The following ENPP1 variants were observed in gnomAD, a reference collection of about 807,000 sequenced individuals.
The protein encoded by ENPP1 is ectonucleotide pyrophosphatase/phosphodiesterase 1.
In ENPP1, 73 loss-of-function variants were observed where a neutral mutation model predicts 122.8. The ratio of observed to expected loss-of-function variants is 0.59; its 90% CI spans 0.49 to 0.72. ENPP1 has a LOEUF of 0.72. Among genes scored for constraint, ENPP1 ranks in the 30% least tolerant of loss-of-function variants. ENPP1 has a pLI of 0.00. For missense variants in ENPP1, 978 were observed against 1,128.1 expected, an observed-to-expected ratio of 0.87 and a Z score of 1.91; for synonymous variants, 367 against 391.6, an observed-to-expected ratio of 0.94 and a Z score of 0.74.
chr6:131,888,362 G>C (rs192494722), intron 24 of ENPP1, among the ~76,000 whole-genome samples: 82 of 151,854 alleles, frequency 5.4e-4, no homozygotes, highest in Non-Finnish European at 9.1e-4. Flanking sequence ...TTGAGACCCA[G>C]TATGAGCTCA....
At chr6:131,858,580 G>A (rs1432428812) in intron 6 of ENPP1, 88 bp from the exon 7 acceptor site, 2 of 835,088 alleles carry the variant, frequency 2.4e-6, no homozygotes, top group East Asian at 2.7e-5. Context: ...TTTTTTACGT[G>A]ATTTAGACTG....
chr6:131,841,969 A>C (rs1393260436), intron 1 of ENPP1, among the ~76,000 whole-genome samples: 1 of 152,062 alleles, frequency 6.6e-6, no homozygotes, highest in African/African-American at 2.4e-5. Context: ...AACACACTCC[A>C]CTGACCGCCC....
intron 1 of ENPP1, among the ~76,000 whole-genome samples, chr6:131,834,272 A>G (rs1218312988): frequency 6.6e-6 from 1 of 152,222 alleles, no homozygotes; most frequent in African/African-American, 2.4e-5. Context: ...TTATTGAAAC[A>G]AAAATGAATG....
Position 131,879,910 on chromosome 6 carries a change from A to C in ENPP1, c.1976A>C (p.Tyr659Ser). 6.2e-7 allele frequency: 1 copy of C among 1,613,822 alleles called. No homozygotes were observed. The highest frequency in any genetic ancestry group is 8.5e-7 in the Non-Finnish European group (1 of 1,179,724). The change falls in exon 20 of 25, where the codon TAT becomes TCT. Residue 659 changes from tyrosine (Y) to serine (S), a missense_variant. Tyr to Ser is a moderately radical substitution (Grantham distance 144). Transcript: ENST00000647893. Reference sequence around the variant, plus strand: ...ATTATTAAGCATGAAACTTTACCCTATGGAAGACCTAGAGTTCTCCAGAAG... The same window carrying C: ...ATTATTAAGCATGAAACTTTACCCTCTGGAAGACCTAGAGTTCTCCAGAAG... ...EKIIKHETLP[Y>S]GRPRVLQKEN...
At chr6:131,866,382 G>A (rs930454061) in intron 11 of ENPP1, among the ~76,000 whole-genome samples, 3 of 152,328 alleles carry the variant, frequency 2.0e-5, no homozygotes, top group East Asian at 3.9e-4. Flanking sequence ...TGACATGTCT[G>A]TCATGGTCCC....
intron 1 of ENPP1, among the ~76,000 whole-genome samples, chr6:131,842,484 T>C (rs1781753729): frequency 6.6e-6 from 1 of 152,046 alleles, no homozygotes. Flanking sequence ...CACTGCAAAT[T>C]ATTTTTTTTT....
chr6:131,847,895 ATG>A (rs747541147), intron 2 of ENPP1, 47 bp downstream of exon 2: 338 of 680,466 alleles, frequency 5.0e-4, no homozygotes, highest in Non-Finnish European at 5.7e-4. Context: ...GTGTGTGTGT[ATG>A]TGTGTGCACA....
chr6:131,877,171 G>C lies in ENPP1; in HGVS notation c.1893+10G>C. 6.2e-7 allele frequency: 1 copy of C among 1,612,378 alleles called. No homozygotes were observed. Among genetic ancestry groups the C allele is most frequent in the Non-Finnish European group, 8.5e-7 (1 of 1,179,178 alleles). On this transcript the variant is annotated intron_variant, in intron 18 of 24. Coordinates refer to ENST00000647893, the MANE Select transcript of ENPP1 (RefSeq NM_006208.3). ...CTCATGTAACCCTTCGGTAAGTATC[G>C]TCAAGAAGTTTGGTCCAGTATGTAT...
At chr6:131,821,603 C>A (rs1259996448) in intron 1 of ENPP1, among the ~76,000 whole-genome samples, 1 of 152,194 alleles carries the variant, frequency 6.6e-6, no homozygotes, top group Non-Finnish European at 1.5e-5. Context: ...AATTTAATTG[C>A]CTTCTTTTAC....
At chr6:131,867,923 C>G (rs911391583) in intron 11 of ENPP1, 95 bp from the exon 12 acceptor site, 39 of 851,782 alleles carry the variant, frequency 4.6e-5, no homozygotes, top group Middle Eastern at 2.2e-4. Flanking sequence ...TTCTTTGTTT[C>G]TTTCTTTTTT....
At chr6:131,829,299 A>G (rs2021966) in intron 1 of ENPP1, among the ~76,000 whole-genome samples, 64,789 of 152,142 alleles carry the variant, frequency 0.43, 14,480 homozygotes, top group East Asian at 0.7. Context: ...TTATTTAACG[A>G]CATATCTTTC....
chr6:131,827,174 C>G (rs1781556473), intron 1 of ENPP1: 2 of 754,784 alleles, frequency 2.6e-6, no homozygotes, highest in African/African-American at 1.7e-5. Context: ...TGGACATTTT[C>G]CACAAGCTAA....
chr6:131,818,730 A>G (rs1200362141), intron 1 of ENPP1, among the ~76,000 whole-genome samples: 1 of 152,162 alleles, frequency 6.6e-6, no homozygotes, highest in Non-Finnish European at 1.5e-5. Flanking sequence ...TCTATGTGAC[A>G]CAATTGGAAG....
intron 22 of ENPP1, among the ~76,000 whole-genome samples, chr6:131,884,234 A>G (rs1250697996): frequency 1.3e-5 from 2 of 152,250 alleles, no homozygotes; most frequent in Non-Finnish European, 2.9e-5. Context: ...AGGAGTTTTT[A>G]GTCTAATTTA....
At chr6:131,888,062 G>T (rs147826230) in intron 24 of ENPP1, among the ~76,000 whole-genome samples, 1 of 151,696 alleles carries the variant, frequency 6.6e-6, no homozygotes, top group East Asian at 1.9e-4. Flanking sequence ...GGGTTTCGCC[G>T]TGTTGGCCAG....
intron 20 of ENPP1, among the ~76,000 whole-genome samples, chr6:131,880,898 A>C (rs1240082126): frequency 6.6e-6 from 1 of 152,144 alleles, no homozygotes; most frequent in Non-Finnish European, 1.5e-5. Flanking sequence ...AGTGAGGGCA[A>C]ATATCCCAGA....
At chr6:131,847,974 T>G in intron 2 of ENPP1, 126 bp downstream of exon 2, 1 of 701,342 alleles carries the variant, frequency 1.4e-6, no homozygotes, top group Non-Finnish European at 2.4e-6. Context: ...ATAGATATTG[T>G]CAATTCAACG....
At chr6:131,877,422 G>T in intron 18 of ENPP1, 1 of 503,600 alleles carries the variant, frequency 2.0e-6, no homozygotes, top group Admixed American at 3.2e-5. Context: ...CTAGTTAGTT[G>T]ACTTGGGTAC....
intron 1 of ENPP1, among the ~76,000 whole-genome samples, chr6:131,808,742 A>G (rs1392481083): frequency 1.3e-5 from 2 of 152,174 alleles, no homozygotes; most frequent in East Asian, 1.9e-4. Context: ...TTTATTAGGA[A>G]CTCTACGGAA....
Sources: allele counts gnomAD v4.1 joint callset (sites outside exome capture counted in the v4.1 genomes callset), GRCh38; gene constraint gnomAD v4.1.1; transcripts MANE v1.5; gene names NCBI Gene and HGNC (gene_info 2026-07-23, HGNC 2026-07-21).